Variants in ACVR1B observed in about 807,000 individuals in gnomAD.
ACVR1B encodes the protein activin receptor type-1B.
ACVR1B carries 15 observed loss-of-function variants against 55.6 expected under a neutral mutation model. The observed-to-expected ratio is 0.27, with a 90% confidence interval of 0.18 to 0.42. The LOEUF (loss-of-function observed/expected upper bound fraction) is 0.42, where lower values mean the gene tolerates loss of function less well. Ranked by LOEUF, ACVR1B falls within the 10% of genes least tolerant of loss-of-function variation. The pLI is 1.00. For missense variants in ACVR1B, 359 were observed against 670.1 expected, an observed-to-expected ratio of 0.54 and a Z score of 5.13; for synonymous variants, 247 against 254.6, an observed-to-expected ratio of 0.97 and a Z score of 0.28.
intron 7 of ACVR1B, among the ~76,000 whole-genome samples, chr12:51,991,352 G>T (rs1005673559): frequency 5.9e-5 from 9 of 152,068 alleles, no homozygotes; most frequent in African/African-American, 1.9e-4. Context: ...TAGATTCCTT[G>T]CTTTGGCTAT....
intron 7 of ACVR1B, among the ~76,000 whole-genome samples, chr12:51,990,235 T>G (rs1333694973): frequency 6.7e-6 from 1 of 150,022 alleles, no homozygotes; most frequent in East Asian, 2.0e-4. Context: ...GGAAGTTGCA[T>G]TAAGCTGAGA....
chr12:51,992,716 C>T (rs1465196173), intron 8 of ACVR1B, among the ~76,000 whole-genome samples: 1 of 152,110 alleles, frequency 6.6e-6, no homozygotes, highest in African/African-American at 2.4e-5. Flanking sequence ...GGAAAGTGGT[C>T]TTTCCAGAAA....
chr12:51,957,006 C>A (rs545032196), intron 1 of ACVR1B, among the ~76,000 whole-genome samples: 2 of 151,800 alleles, frequency 1.3e-5, no homozygotes, highest in South Asian at 4.2e-4. Flanking sequence ...TGGGCTCAAG[C>A]AATCCACTCA....
chr12:51,976,616 C>A, intron 3 of ACVR1B, 41 bp downstream of exon 3: 2 of 1,606,452 alleles, frequency 1.2e-6, no homozygotes, highest in South Asian at 2.2e-5. Flanking sequence ...GGTTGGCTTT[C>A]ATCAGTTTCC....
intron 8 of ACVR1B, among the ~76,000 whole-genome samples, chr12:51,993,657 C>G (rs1477306703): frequency 6.6e-6 from 1 of 151,392 alleles, no homozygotes; most frequent in African/African-American, 2.4e-5. Flanking sequence ...GTCCCAGCTA[C>G]TGGGGAGGCT....
chr12:51,978,066 T>G (rs1325883885), intron 3 of ACVR1B, among the ~76,000 whole-genome samples: 1 of 152,028 alleles, frequency 6.6e-6, no homozygotes, highest in Non-Finnish European at 1.5e-5. Context: ...CTGTGACATC[T>G]CCTGAATTTC....
rs811770 is a variant in ACVR1B at position 51,963,088 on chromosome 12, A to G, written c.91+11254A>G. The stretch of plus-strand genomic sequence containing the variant: ...ATCATATTGTATATGTTGTTTGGCA[A>G]ATAGGGATTTATGGTAGTAATTTTA... On this transcript the variant is annotated intron_variant, in intron 1 of 8. Coordinates refer to ENST00000257963, the MANE Select transcript of ACVR1B (RefSeq NM_004302.5). Among the ~76,000 whole-genome samples the G allele has an allele frequency of 2.7e-3, 411 of 152,276 alleles. 2 individuals carry two copies. The highest frequency in any genetic ancestry group is 9.2e-3 in the African/African-American group (381 of 41,556).
At chr12:51,979,105 G>T (rs1473786645) in intron 3 of ACVR1B, among the ~76,000 whole-genome samples, 2 of 147,942 alleles carry the variant, frequency 1.4e-5, no homozygotes, top group African/African-American at 2.5e-5. Flanking sequence ...AGAGGTTGCA[G>T]TGAGCCCAGA....
intron 2 of ACVR1B, among the ~76,000 whole-genome samples, chr12:51,975,744 G>A (rs1302179829): frequency 6.6e-6 from 1 of 152,232 alleles, no homozygotes; most frequent in Non-Finnish European, 1.5e-5. Flanking sequence ...TGGCTTAGCA[G>A]CCATAGGCAG....
chr12:51,994,003 A>C lies in ACVR1B; in HGVS notation c.1411A>C (p.Lys471Gln), dbSNP rs140339974. 6.2e-7 allele frequency: 1 copy of C among 1,614,066 alleles called. No homozygotes were observed. The highest frequency in any genetic ancestry group is 8.5e-7 in the Non-Finnish European group (1 of 1,180,014). The change falls in exon 9 of 9, where the codon AAG becomes CAG. Residue 471 changes from lysine (K) to glutamine (Q), a missense_variant. By Grantham distance (53) the Lys-to-Gln change is moderately conservative (BLOSUM62 1). Coordinates refer to ENST00000257963, the MANE Select transcript of ACVR1B (RefSeq NM_004302.5). This position sits in a 1 kb window ranked among gnomAD's most constrained non-coding sequence, Gnocchi z 4.2. ...TGCACAGGCACTGCGGGTGATGGGG[A>C]AGATGATGCGAGAGTGTTGGTATGC... ...QSYEALRVMG[K>Q]MMRECWYANG...
Position 51,975,254 on chromosome 12 carries a change from A to C in ACVR1B, c.92-11A>C. ...CATTGATGTCAATGTCTGCTCCCCA[A>C]TTTCCTGCAGCTCTGCTGTGTGCGT... On this transcript the variant is annotated splice_polypyrimidine_tract_variant and intron_variant, in intron 1 of 8. Coordinates refer to ENST00000257963, the MANE Select transcript of ACVR1B (RefSeq NM_004302.5). The C allele has an allele frequency of 6.2e-7, 1 of 1,603,822 alleles. No individual in the cohort carries two copies. The highest frequency in any genetic ancestry group is 8.5e-7 in the Non-Finnish European group (1 of 1,174,592).
intron 1 of ACVR1B, 24 bp downstream of exon 1, chr12:51,951,858 G>A (rs766132478): frequency 8.0e-7 from 1 of 1,245,410 alleles, no homozygotes; most frequent in Non-Finnish European, 1.0e-6. Flanking sequence ...CGGGGGGCGG[G>A]GGCCGGGATG....
intron 3 of ACVR1B, among the ~76,000 whole-genome samples, chr12:51,978,363 C>G (rs1941909053): frequency 6.6e-6 from 1 of 152,152 alleles, no homozygotes; most frequent in East Asian, 1.9e-4. Context: ...CTATTTCCCT[C>G]TGAGTGGTTT....
Position 51,994,029 on chromosome 12 carries a change from C to A in ACVR1B, c.1437C>A (p.Ala479=). The A allele has an allele frequency of 6.2e-7, 1 of 1,614,122 alleles. No homozygotes were observed. Among genetic ancestry groups the A allele is most frequent in the Non-Finnish European group, 8.5e-7 (1 of 1,180,032 alleles). ...MGKMMRECWY[A]NGAARLTALR... Reference sequence around the variant, plus strand: ...AGATGATGCGAGAGTGTTGGTATGCCAACGGCGCAGCCCGCCTGACGGCCC... The same window carrying A: ...AGATGATGCGAGAGTGTTGGTATGCAAACGGCGCAGCCCGCCTGACGGCCC... Residue 479 remains alanine (A), a synonymous_variant, in exon 9 of 9, where the codon GCC becomes GCA. Coordinates refer to ENST00000257963, the MANE Select transcript of ACVR1B (RefSeq NM_004302.5). This position sits in a 1 kb window ranked among gnomAD's most constrained non-coding sequence, Gnocchi z 4.2.
chr12:51,985,171 C>T lies in ACVR1B; in HGVS notation c.980-21C>T, dbSNP rs1305753041. 2.5e-6 allele frequency: 4 copies of T among 1,598,092 alleles called. No individual in the cohort carries two copies. In the South Asian group the frequency reaches 4.5e-5, roughly 18 times the overall value. ...ATTTATATCATCTCTTTGTAAAGAT[C>T]CCTGTTTTTTTCTCTGCCAGGGAAG... On this transcript the variant is annotated intron_variant, in intron 5 of 8. Transcript: ENST00000257963.
At chr12:51,993,359 ACCGCACT>A (rs1457549277) in intron 8 of ACVR1B, among the ~76,000 whole-genome samples, 2 of 152,148 alleles carry the variant, frequency 1.3e-5, no homozygotes, top group Non-Finnish European at 2.9e-5. Context: ...AGCACTTCTC[ACCGCACT>A]CCTTGGAACC....
At position 51,994,095 on chromosome 12, in the gene ACVR1B, A is replaced by G. The variant is rs1235734587; in HGVS notation, c.1503A>G (p.Glu501=). ...CCCTCTCCCAGCTCAGCGTGCAGGAAGACGTGAAGATCTAACTGCTCCCTC... is the reference window on the plus strand; with the variant it reads ...CCCTCTCCCAGCTCAGCGTGCAGGAGGACGTGAAGATCTAACTGCTCCCTC... ...KKTLSQLSVQ[E]DVKI Residue 501 remains glutamate, a synonymous_variant, in exon 9 of 9, where the codon GAA becomes GAG. Coordinates refer to ENST00000257963, the MANE Select transcript of ACVR1B (RefSeq NM_004302.5). This position sits in a 1 kb window ranked among gnomAD's most constrained non-coding sequence, Gnocchi z 4.2. 6.2e-7 allele frequency: 1 copy of G among 1,613,808 alleles called. No homozygotes were observed. The highest frequency in any genetic ancestry group is 2.2e-5 in the East Asian group (1 of 44,882).
chr12:51,974,775 A>T (rs1941814756), intron 1 of ACVR1B, among the ~76,000 whole-genome samples: 2 of 152,192 alleles, frequency 1.3e-5, no homozygotes, highest in Admixed American at 1.3e-4. Flanking sequence ...AAGAAGTGAC[A>T]TTTGAGTTGA....
intron 7 of ACVR1B, among the ~76,000 whole-genome samples, chr12:51,991,654 G>C (rs1054136713): frequency 6.6e-6 from 1 of 152,156 alleles, no homozygotes; most frequent in Non-Finnish European, 1.5e-5. Context: ...CGCTTGCCTT[G>C]GCCTCCCAAA....
Sources: gnomAD v4.1 joint callset for allele counts (sites outside exome capture counted in the v4.1 genomes callset) on GRCh38, gnomAD v4.1.1 for gene constraint, Gnocchi (gnomAD v3.1) non-coding constraint, MANE v1.5 for transcripts, NCBI Gene and HGNC (gene_info 2026-07-23, HGNC 2026-07-21) for gene names.